Variants in DNAH11 observed in about 807,000 individuals in gnomAD.
The protein encoded by DNAH11 is axonemal beta dynein heavy chain 11.
Under a neutral mutation model 526.0 loss-of-function variants are expected in DNAH11, and 442 were observed. That is an observed-to-expected ratio of 0.84 (90% CI 0.78 to 0.91). DNAH11 has a LOEUF of 0.91. Among genes scored for constraint, DNAH11 ranks in the 40% least tolerant of loss-of-function variants. DNAH11 has a pLI of 0.00. For synonymous variants in DNAH11, 2,461 were observed against 1,935.9 expected (o/e 1.27, Z -7.12); for missense variants, 6,989 against 5,448.7 (o/e 1.28, Z -8.90).
chr7:21,882,939 G>A (rs958720359), intron 75 of DNAH11, among the ~76,000 whole-genome samples: 6 of 152,212 alleles, frequency 3.9e-5, no homozygotes, highest in Non-Finnish European at 8.8e-5. Flanking sequence ...GAAATGTGTT[G>A]CAAGCATCGA....
chr7:21,813,102 CAG>C (rs1294119510), intron 63 of DNAH11, among the ~76,000 whole-genome samples: 1 of 152,092 alleles, frequency 6.6e-6, no homozygotes, highest in Non-Finnish European at 1.5e-5. Context: ...CTGAAAAGGA[CAG>C]GGGCTGTGGG....
chr7:21,739,060 G>A lies in DNAH11; in HGVS notation c.7811+194G>A, dbSNP rs2906684. ...TTTGTATCTCTTTTCATCATATTAA[G>A]TGTAATAGTTTCCCTTTGTATCTTT... On this transcript the variant is annotated intron_variant, in intron 47 of 81. Transcript: ENST00000409508. Among the ~76,000 whole-genome samples, 106,983 of 152,064 alleles carry A rather than the reference G, an allele frequency of 0.7. 37,969 individuals carry two copies. Among genetic ancestry groups the A allele is most frequent in the Non-Finnish European group, 0.75 (51,248 of 67,996 alleles).
chr7:21,554,926 C>A (rs1011529245), intron 2 of DNAH11, among the ~76,000 whole-genome samples: 1 of 152,112 alleles, frequency 6.6e-6, no homozygotes, highest in Admixed American at 6.5e-5. Context: ...GCAATTGGTT[C>A]GACTCTGCCA....
chr7:21,589,522 A>G, intron 12 of DNAH11, 119 bp downstream of exon 12: 1 of 764,982 alleles, frequency 1.3e-6, no homozygotes, highest in Non-Finnish European at 2.0e-6. Flanking sequence ...TGAGGACTGT[A>G]ACTGTAAACA....
intron 66 of DNAH11, among the ~76,000 whole-genome samples, chr7:21,844,972 G>A (rs1183170643): frequency 6.6e-6 from 1 of 152,136 alleles, no homozygotes; most frequent in Non-Finnish European, 1.5e-5. Context: ...GAGTTCAAAG[G>A]ACCACTGGCT....
chr7:21,832,652 T>C (rs1488511524), intron 65 of DNAH11, among the ~76,000 whole-genome samples: 1 of 152,186 alleles, frequency 6.6e-6, no homozygotes, highest in Non-Finnish European at 1.5e-5. Flanking sequence ...TCGTTATATA[T>C]AGTGGCTAAT....
intron 61 of DNAH11, among the ~76,000 whole-genome samples, chr7:21,795,499 A>G (rs550630539): frequency 2.0e-5 from 3 of 152,340 alleles, no homozygotes; most frequent in Non-Finnish European, 2.9e-5. Flanking sequence ...TGTCTTCCAC[A>G]CTATGAGCTC....
intron 20 of DNAH11, among the ~76,000 whole-genome samples, chr7:21,610,451 C>A (rs1325673843): frequency 6.6e-6 from 1 of 152,158 alleles, no homozygotes; most frequent in East Asian, 1.9e-4. Context: ...AAAGCACTCT[C>A]ATTCAGTCTC....
Position 21,748,810 on chromosome 7 carries a change from C to T in DNAH11, c.8673+68C>T, listed in dbSNP as rs146985453. ...GCAGATAAAGCCGAGGCTCCTAGTG[C>T]GCCCGTGTGGGCTGTGACTCCCAGA... On this transcript the variant is annotated intron_variant, in intron 52 of 81. Transcript: ENST00000409508. 2.3e-4 allele frequency: 352 copies of T among 1,507,132 alleles called. No homozygotes were observed. In the African/African-American group the frequency reaches 4.0e-3, roughly 17 times the overall value. 93.4% of individuals were successfully genotyped at this position (1,507,132 alleles called of 1,614,324 possible).
intron 22 of DNAH11, among the ~76,000 whole-genome samples, chr7:21,616,803 T>C (rs532976345): frequency 7.2e-5 from 11 of 152,306 alleles, no homozygotes; most frequent in South Asian, 2.1e-4. Context: ...TTGGTACTTA[T>C]TGGAATTTGA....
rs767078773 is a variant in DNAH11, at chr7:21,710,602, C to T, written c.6733C>T (p.Gln2245Ter). ...IGLFSSILRE[Q>*]ANLKHDGPKW... ...TCTCTTCTCATCCATTCTACGAGAA[C>T]AAGCAAATCTTAAGCATGATGGACC... Residue 2245 changes from glutamine to a stop codon, truncating the protein, a stop_gained, in exon 41 of 82, where the codon CAA (glutamine) becomes TAA (stop). Transcript: ENST00000409508. LOFTEE classifies it high-confidence loss of function. 2 of 1,612,992 alleles carry T rather than the reference C, an allele frequency of 1.2e-6. No homozygotes were observed. The highest frequency in any genetic ancestry group is 1.1e-5 in the South Asian group (1 of 90,978).
At chr7:21,865,775 A>G (rs980685090) in intron 70 of DNAH11, among the ~76,000 whole-genome samples, 3 of 152,230 alleles carry the variant, frequency 2.0e-5, no homozygotes, top group African/African-American at 7.2e-5. Flanking sequence ...GGAATAAAGA[A>G]TGGCTACTCC....
chr7:21,884,541 C>G, intron 76 of DNAH11, 131 bp downstream of exon 76: 2 of 1,037,502 alleles, frequency 1.9e-6, no homozygotes, highest in South Asian at 3.8e-5. Context: ...TGGGAAATTT[C>G]TTAGAAAAGC....
intron 14 of DNAH11, among the ~76,000 whole-genome samples, chr7:21,593,968 G>A (rs1784779986): frequency 6.7e-6 from 1 of 148,660 alleles, no homozygotes; most frequent in South Asian, 2.1e-4. Flanking sequence ...TTCTCTGTAT[G>A]TCACATACTC....
rs371991187 is a variant in DNAH11 at position 21,873,375 on chromosome 7, G to C, written c.12069G>C (p.Glu4023Asp). Residue 4023 changes from glutamate (E) to aspartate (D), a missense_variant, in exon 74 of 82, where the codon GAG (glutamate) becomes GAC (aspartate). Physicochemically the swap from Glu to Asp is conservative, Grantham distance 45 (BLOSUM62 2). Transcript: ENST00000409508. ...HRDYRVFMSA[E>D]SAPTPDEHII... ...ATTACAGGGTTTTCATGAGTGCTGA[G>C]TCTGCACCTACACCAGATGAGCATA... 2 of 1,613,802 alleles carry C rather than the reference G, an allele frequency of 1.2e-6. No individual in the cohort carries two copies. Among genetic ancestry groups the C allele is most frequent in the Non-Finnish European group, 1.7e-6 (2 of 1,179,872 alleles).
intron 35 of DNAH11, among the ~76,000 whole-genome samples, chr7:21,691,318 G>T (rs1583598231): frequency 6.6e-6 from 1 of 151,812 alleles, no homozygotes. Context: ...AGCCTTTCCA[G>T]AGCACAGGGT....
intron 38 of DNAH11, 146 bp from the exon 39 acceptor site, chr7:21,705,314 T>G: frequency 1.4e-6 from 1 of 701,302 alleles, no homozygotes; most frequent in South Asian, 1.9e-5. Flanking sequence ...TTTTCACTTA[T>G]GGTCTATTTT....
At chr7:21,718,868 A>C (rs542568063) in intron 43 of DNAH11, among the ~76,000 whole-genome samples, 11 of 152,344 alleles carry the variant, frequency 7.2e-5, no homozygotes, top group Admixed American at 6.5e-4. Flanking sequence ...TTTTTGGATA[A>C]TTCGCACACC....
rs1454726285 is a variant in DNAH11 at position 21,800,028 on chromosome 7, T to A, written c.10027-1109T>A. 2.6e-5 allele frequency among the ~76,000 whole-genome samples: 4 copies of A among 152,236 alleles called. No homozygotes were observed. The East Asian group carries it at 5.8e-4, about 22-fold the overall frequency. ...GTTATATGAGCTCATTCAAAATACC[T>A]TAGTCAAAAAAGGCACAAAGACAAA... On this transcript the variant is annotated intron_variant, in intron 61 of 81. Transcript: ENST00000409508.
Sources: allele counts gnomAD v4.1 joint callset (sites outside exome capture counted in the v4.1 genomes callset), GRCh38; gene constraint gnomAD v4.1.1; transcripts MANE v1.5; gene names NCBI Gene and HGNC (gene_info 2026-07-23, HGNC 2026-07-21).